Variants in MYLK observed in about 807,000 individuals in gnomAD.
MYLK encodes myosin light chain kinase.
A neutral mutation model predicts 203.4 loss-of-function variants in MYLK; 106 were observed. That is an observed-to-expected ratio of 0.52 (90% CI 0.45 to 0.61). The LOEUF (loss-of-function observed/expected upper bound fraction) is 0.61, where lower values mean the gene tolerates loss of function less well. MYLK is among the 20% of genes least tolerant of loss of function. MYLK has a pLI of 0.00. For missense variants in MYLK, 2,072 were observed against 2,442.3 expected (o/e 0.85, Z 3.20); for synonymous variants, 867 against 959.5 (o/e 0.90, Z 1.78).
intron 1 of MYLK, among the ~76,000 whole-genome samples, chr3:123,881,979 T>A (rs72974264): frequency 0.097 from 14,758 of 152,220 alleles, 1,119 homozygotes; most frequent in East Asian, 0.36. Context: ...GCTGTCTGTC[T>A]ACCATTTTCA....
intron 4 of MYLK, among the ~76,000 whole-genome samples, chr3:123,760,680 T>C (rs2063507029): frequency 6.6e-6 from 1 of 152,230 alleles, no homozygotes. Flanking sequence ...TATAAACTTA[T>C]GGGCTTGGTA....
intron 33 of MYLK, chr3:123,616,967 CAAG>C (rs1365700130): frequency 6.6e-6 from 1 of 152,116 alleles, no homozygotes; most frequent in Non-Finnish European, 1.5e-5. Flanking sequence ...CATAAGAAAT[CAAG>C]AATTCTAATG....
chr3:123,634,958 G>C (rs1277320901), intron 29 of MYLK, among the ~76,000 whole-genome samples: 2 of 152,234 alleles, frequency 1.3e-5, no homozygotes, highest in Non-Finnish European at 1.5e-5. Context: ...CAGGATCCGG[G>C]GTAAGAGTGT....
intron 7 of MYLK, 135 bp downstream of exon 7, chr3:123,738,762 T>A (rs537076888): frequency 1.5e-5 from 19 of 1,230,394 alleles, no homozygotes; most frequent in Non-Finnish European, 2.1e-5. Flanking sequence ...TTGTGAGGCC[T>A]CCCCAGCCAT....
intron 33 of MYLK, among the ~76,000 whole-genome samples, 173 bp from the exon 34 acceptor site, chr3:123,614,522 G>A (rs1213193840): frequency 1.3e-5 from 2 of 152,162 alleles, no homozygotes; most frequent in African/African-American, 4.8e-5. Context: ...GACATGTCTT[G>A]TAAATACCAA....
At chr3:123,774,756 A>T (rs2064006489) in intron 4 of MYLK, among the ~76,000 whole-genome samples, 1 of 152,230 alleles carries the variant, frequency 6.6e-6, no homozygotes. Flanking sequence ...AGAAAGGCCT[A>T]GAATGAAACC....
intron 3 of MYLK, among the ~76,000 whole-genome samples, chr3:123,806,997 T>C (rs905884544): frequency 1.3e-5 from 2 of 152,068 alleles, no homozygotes; most frequent in Admixed American, 1.3e-4. Context: ...CACCACTTTA[T>C]GGATGGAACA....
chr3:123,870,332 C>T (rs1195396141), intron 2 of MYLK, among the ~76,000 whole-genome samples: 15 of 152,224 alleles, frequency 9.9e-5, no homozygotes, highest in African/African-American at 3.6e-4. Context: ...ACCCAACCTC[C>T]GTTTCTTCTA....
At chr3:123,618,578 A>G (rs1194397323) in intron 33 of MYLK, 61 bp downstream of exon 33, 5 of 1,607,534 alleles carry the variant, frequency 3.1e-6, no homozygotes, top group East Asian at 4.5e-5. Context: ...GGTGCATGGT[A>G]GGGACTCTAC....
intron 28 of MYLK, among the ~76,000 whole-genome samples, 188 bp from the exon 29 acceptor site, chr3:123,638,382 A>G (rs922514472): frequency 9.9e-5 from 15 of 152,006 alleles, no homozygotes; most frequent in African/African-American, 3.4e-4. Context: ...AGTGAAACCA[A>G]CAAACCTCAC....
intron 18 of MYLK, among the ~76,000 whole-genome samples, chr3:123,697,309 C>T (rs1165115568): frequency 1.3e-5 from 2 of 152,188 alleles, no homozygotes. Context: ...AACGCACTCT[C>T]CTGTACTGAA....
intron 5 of MYLK, among the ~76,000 whole-genome samples, chr3:123,747,524 A>G (rs139585411): frequency 7.2e-5 from 11 of 152,272 alleles, no homozygotes; most frequent in Non-Finnish European, 1.3e-4. Context: ...TTTGAGAATC[A>G]CTGTACTAGG....
intron 2 of MYLK, among the ~76,000 whole-genome samples, chr3:123,836,961 T>C (rs934265191): frequency 1.3e-4 from 20 of 152,250 alleles, no homozygotes; most frequent in African/African-American, 4.8e-4. Flanking sequence ...AGAGTCATTT[T>C]CCAACACTTA....
chr3:123,825,433 C>T (rs955844091), intron 3 of MYLK, among the ~76,000 whole-genome samples: 2 of 152,086 alleles, frequency 1.3e-5, no homozygotes, highest in African/African-American at 4.8e-5. Context: ...GCAGAAGATC[C>T]CCACCGGTCC....
intron 7 of MYLK, among the ~76,000 whole-genome samples, chr3:123,738,205 C>T (rs940125801): frequency 2.6e-5 from 4 of 152,204 alleles, no homozygotes; most frequent in African/African-American, 4.8e-5. Context: ...TCCAGCTTCA[C>T]AGGCTTTATA....
At chr3:123,736,620 A>G (rs1033215797) in intron 8 of MYLK, among the ~76,000 whole-genome samples, 4 of 152,156 alleles carry the variant, frequency 2.6e-5, no homozygotes, top group South Asian at 2.1e-4. Context: ...AGGATGCTGG[A>G]AAGTCCAGTC....
At chr3:123,709,093 C>A (rs561820192) in intron 14 of MYLK, 198 bp from the exon 15 acceptor site, 2 of 480,500 alleles carry the variant, frequency 4.2e-6, no homozygotes, top group South Asian at 3.7e-5. Context: ...TTGAATAGTG[C>A]AACTGAGAAC....
chr3:123,721,881 C>T (rs1196078207), intron 13 of MYLK, among the ~76,000 whole-genome samples: 14 of 149,902 alleles, frequency 9.3e-5, no homozygotes, highest in Non-Finnish European at 1.8e-4. Context: ...TCCTGGAGGT[C>T]ATCTCCCTCA....
chr3:123,614,447 G>A (rs1340601460), intron 33 of MYLK, 98 bp from the exon 34 acceptor site: 7 of 1,486,180 alleles, frequency 4.7e-6, no homozygotes, highest in Non-Finnish European at 5.5e-6. Context: ...ATTGATTAAG[G>A]TGGTTAAGGA....
Sources: allele counts gnomAD v4.1 joint callset (sites outside exome capture counted in the v4.1 genomes callset), GRCh38; gene constraint gnomAD v4.1.1; transcripts MANE v1.5; gene names NCBI Gene and HGNC (gene_info 2026-07-23, HGNC 2026-07-21).